Variants in DNAH7 observed in about 807,000 individuals in gnomAD.
DNAH7 encodes dynein axonemal heavy chain 7.
DNAH7 carries 397 observed loss-of-function variants against 444.6 expected under a neutral mutation model. That is an observed-to-expected ratio of 0.89 (90% confidence interval 0.82 to 0.97). The LOEUF is 0.97. Among genes scored for constraint, DNAH7 ranks in the 50% least tolerant of loss-of-function variants. DNAH7 has a pLI of 0.00. For missense variants in DNAH7, 4,902 were observed against 4,800.8 expected, an observed-to-expected ratio of 1.02 and a Z score of -0.62; for synonymous variants, 1,636 against 1,624.4, an observed-to-expected ratio of 1.01 and a Z score of -0.17.
At chr2:195,848,183 T>A (rs572056681) in intron 46 of DNAH7, among the ~76,000 whole-genome samples, 1 of 152,078 alleles carries the variant, frequency 6.6e-6, no homozygotes, top group Non-Finnish European at 1.5e-5. Context: ...TCCTGCTGAG[T>A]AGGCTGGACC....
intron 46 of DNAH7, among the ~76,000 whole-genome samples, chr2:195,847,940 A>G (rs978270782): frequency 6.6e-6 from 1 of 152,186 alleles, no homozygotes; most frequent in Non-Finnish European, 1.5e-5. Flanking sequence ...GGGCGGTACT[A>G]CAAGCCAAGG....
intron 19 of DNAH7, among the ~76,000 whole-genome samples, chr2:195,951,553 A>G (rs1045556990): frequency 1.3e-5 from 2 of 152,058 alleles, no homozygotes; most frequent in Non-Finnish European, 2.9e-5. Context: ...GCCTCCCACT[A>G]TTATTGTGTG....
In DNAH7 at chr2:195,926,572, C is replaced by CA; in HGVS notation, c.3472-7dup. The stretch of plus-strand genomic sequence containing the variant: ...AAAGTTGCATCTCCAGTTACCTAAT[C>CA]AAAAAAGAATATGCTAAATATTAAC... On this transcript the variant is annotated splice_polypyrimidine_tract_variant and splice_region_variant and intron_variant, in intron 21 of 64. Coordinates refer to ENST00000312428, the MANE Select transcript of DNAH7 (RefSeq NM_018897.3). 1.3e-6 allele frequency: 2 copies of CA among 1,580,110 alleles called. No homozygotes were observed. Among genetic ancestry groups the CA allele is most frequent in the South Asian group, 1.2e-5 (1 of 84,996 alleles).
intron 19 of DNAH7, among the ~76,000 whole-genome samples, chr2:195,944,076 T>G (rs1411587927): frequency 6.6e-6 from 1 of 152,144 alleles, no homozygotes; most frequent in Non-Finnish European, 1.5e-5. Context: ...CTGACCATCA[T>G]CAACATAAAT....
At position 195,785,517 on chromosome 2, in the gene DNAH7, G is replaced by A. The variant is rs181579952; in HGVS notation, c.10878+1493C>T. Among the ~76,000 whole-genome samples the A allele has an allele frequency of 5.2e-3, 784 of 150,090 alleles. 5 individuals are homozygous for A. Among genetic ancestry groups the A allele is most frequent in the Non-Finnish European group, 7.6e-3 (513 of 67,746 alleles). On this transcript the variant is annotated intron_variant, in intron 58 of 64. Coordinates refer to ENST00000312428, the MANE Select transcript of DNAH7 (RefSeq NM_018897.3). ...GTTTCTCTCCATTTAAGTACAATTA[G>A]CTGTAGGTTTTTTGTATGTTTGTTT...
At chr2:195,845,194 A>G (rs749374189) in intron 46 of DNAH7, 29 bp from the exon 47 acceptor site, 2 of 1,581,502 alleles carry the variant, frequency 1.3e-6, no homozygotes, top group African/African-American at 1.4e-5. Flanking sequence ...AAGATAAAGA[A>G]ATGAGACTGG....
Position 195,792,767 on chromosome 2 carries a change from A to T in DNAH7, c.10716+1571T>A, listed in dbSNP as rs373372873. Among the ~76,000 whole-genome samples, 5 of 152,182 alleles carry T rather than the reference A, an allele frequency of 3.3e-5. No homozygotes were observed. The South Asian group carries it at 8.3e-4, about 25-fold the overall frequency. On this transcript the variant is annotated intron_variant, in intron 57 of 64. Coordinates refer to ENST00000312428, the MANE Select transcript of DNAH7 (RefSeq NM_018897.3). The stretch of plus-strand genomic sequence containing the variant: ...TAAAGGGCCATGATATATCTAACTT[A>T]TCTAATTTACATGCACCTGATGTGG...
In DNAH7 at chr2:195,886,352, CTCATT is replaced by C. The variant is rs1012897884; in HGVS notation, c.5407-85_5407-81del. The stretch of plus-strand genomic sequence containing the variant: ...ATAGCCCCAGCTAATATTTATTAAG[CTCATT>C]TAATTTTAACAGGTAGTAATAATTT... On this transcript the variant is annotated intron_variant, in intron 33 of 64. Transcript: ENST00000312428. The C allele has an allele frequency of 2.3e-6, 3 of 1,327,736 alleles. No individual in the cohort carries two copies. The Admixed American group carries it at 6.6e-5, about 29-fold the overall frequency. The allele number at this position is 1,327,736 out of a possible 1,614,324, so 82.2% of individuals were successfully genotyped here.
intron 29 of DNAH7, among the ~76,000 whole-genome samples, chr2:195,895,905 T>G (rs950395370): frequency 1.3e-5 from 2 of 152,196 alleles, no homozygotes; most frequent in South Asian, 2.1e-4. Context: ...TCTTTTTTTT[T>G]GCCGAGTAAT....
At position 195,988,155 on chromosome 2, in the gene DNAH7, G is replaced by A; in HGVS notation, c.1428C>T (p.Ile476=). Residue 476 remains isoleucine (I), a synonymous_variant, in exon 13 of 65, where the codon ATC becomes ATT. Coordinates refer to ENST00000312428, the MANE Select transcript of DNAH7 (RefSeq NM_018897.3). The stretch of plus-strand genomic sequence containing the variant: ...CACTCTCTTTCATAATAACTTCCTT[G>A]ATCTTTTCTTTGTGAGCATCTACAA... ...NEIVDAHKEK[I]KEVIMKESVA... is the part of the protein sequence containing the mutation. 2 of 1,613,512 alleles carry A rather than the reference G, an allele frequency of 1.2e-6. No individual in the cohort carries two copies. The highest frequency in any genetic ancestry group is 8.5e-7 in the Non-Finnish European group (1 of 1,179,672).
At chr2:196,064,618 AT>A (rs1698320763) in intron 1 of DNAH7, among the ~76,000 whole-genome samples, 1 of 152,178 alleles carries the variant, frequency 6.6e-6, no homozygotes, top group Non-Finnish European at 1.5e-5. Flanking sequence ...TACTACACTT[AT>A]TACTACATAT....
rs769667039 is a variant in DNAH7 at position 195,799,344 on chromosome 2, A to G, written c.10305T>C (p.Ser3435=). Residue 3435 remains serine (S), a synonymous_variant, in exon 55 of 65, where the codon TCT becomes TCC. Transcript: ENST00000312428. ...NCCAPLIFVL[S]PGADPMAALL... Reference sequence around the variant, plus strand: ...GGGCAGCCATGGGATCTGCTCCAGGAGAGAGCACGAAAATCAGTGGTGCAC... The same window carrying G: ...GGGCAGCCATGGGATCTGCTCCAGGGGAGAGCACGAAAATCAGTGGTGCAC... 18 of 1,611,294 alleles carry G rather than the reference A, an allele frequency of 1.1e-5. No individual in the cohort carries two copies. Among genetic ancestry groups the G allele is most frequent in the Non-Finnish European group, 1.4e-5 (17 of 1,178,682 alleles).
At chr2:195,933,550 T>C (rs7581363) in intron 21 of DNAH7, among the ~76,000 whole-genome samples, 24,353 of 151,982 alleles carry the variant, frequency 0.16, 2,394 homozygotes, top group African/African-American at 0.27. Context: ...ACATATACAC[T>C]ATGGAATACT....
chr2:195,936,080 G>A (rs1348234902), intron 20 of DNAH7, among the ~76,000 whole-genome samples: 1 of 152,070 alleles, frequency 6.6e-6, no homozygotes, highest in Admixed American at 6.6e-5. Flanking sequence ...GATGTGATAA[G>A]TTAAGAAATC....
intron 63 of DNAH7, among the ~76,000 whole-genome samples, chr2:195,743,497 G>T (rs1252405470): frequency 2.6e-5 from 4 of 152,136 alleles, no homozygotes; most frequent in Non-Finnish European, 4.4e-5. Flanking sequence ...ATATAAGGAT[G>T]ACAGTGTTAT....
chr2:195,786,304 G>A (rs1695619375), intron 58 of DNAH7, among the ~76,000 whole-genome samples: 2 of 152,144 alleles, frequency 1.3e-5, no homozygotes, highest in South Asian at 4.1e-4. Context: ...GAACAAAATT[G>A]TCAAAACTTA....
At position 195,861,515 on chromosome 2, in the gene DNAH7, G is replaced by A. The variant is rs2293065; in HGVS notation, c.7736+202C>T. ...CCAAGAGTTATTATGCATCTATGATGTGCTAGGCAATGTGCCCATATGAGA... is the reference window on the plus strand; with the variant it reads ...CCAAGAGTTATTATGCATCTATGATATGCTAGGCAATGTGCCCATATGAGA... On this transcript the variant is annotated intron_variant, in intron 42 of 64. Coordinates refer to ENST00000312428, the MANE Select transcript of DNAH7 (RefSeq NM_018897.3). Among the ~76,000 whole-genome samples the A allele has an allele frequency of 2.7e-3, 406 of 152,296 alleles. 6 individuals carry two copies. In the East Asian group the frequency reaches 0.055, roughly 21 times the overall value.
intron 5 of DNAH7, among the ~76,000 whole-genome samples, chr2:196,045,822 G>A (rs1013009256): frequency 6.6e-6 from 1 of 151,644 alleles, no homozygotes; most frequent in Non-Finnish European, 1.5e-5. Flanking sequence ...TCAACAGAAA[G>A]CAGAAAAAGA....
intron 33 of DNAH7, among the ~76,000 whole-genome samples, chr2:195,886,817 C>A (rs1701737243): frequency 2.0e-5 from 3 of 152,144 alleles, no homozygotes; most frequent in Admixed American, 6.5e-5. Flanking sequence ...GCTCCTAGAA[C>A]TATGTAGCAT....
Sources: gnomAD v4.1 joint callset for allele counts (sites outside exome capture counted in the v4.1 genomes callset) on GRCh38, gnomAD v4.1.1 for gene constraint, MANE v1.5 for transcripts, NCBI Gene and HGNC (gene_info 2026-07-23, HGNC 2026-07-21) for gene names.